Variants in IFNA1 observed in about 807,000 individuals in gnomAD.
The protein encoded by IFNA1 is interferon alpha 1.
For missense variants in IFNA1, 130 were observed against 219.8 expected, an observed-to-expected ratio of 0.59 and a Z score of 2.58; for synonymous variants, 52 against 86.8, an observed-to-expected ratio of 0.60 and a Z score of 2.23.
chr9:21,441,224 A>G lies in IFNA1; in HGVS notation c.*147A>G. 8.3e-7 allele frequency: 1 copy of G among 1,198,234 alleles called. No homozygotes were observed. The highest frequency in any genetic ancestry group is 1.1e-6 in the Non-Finnish European group (1 of 881,296). 74.2% of individuals were successfully genotyped at this position (1,198,234 alleles called of 1,614,324 possible). A position where few individuals can be genotyped will look rare whatever the true frequency, so the allele number is the denominator to read the frequency against. Reference sequence around the variant, plus strand: ...TATCTATTTAAATATTTATTTAACTATTCATAAGATTTAAATTATTTTTGT... The same window carrying G: ...TATCTATTTAAATATTTATTTAACTGTTCATAAGATTTAAATTATTTTTGT... On this transcript the variant is annotated 3_prime_UTR_variant, in exon 1 of 1. Transcript: ENST00000276927.
rs1470775771 is a variant in IFNA1 at position 21,441,248 on chromosome 9, G to A, written c.*171G>A. Reference sequence around the variant, plus strand: ...TATTCATAAGATTTAAATTATTTTTGTTCATATAACGTCATGTGCACCTTT... The same window carrying A: ...TATTCATAAGATTTAAATTATTTTTATTCATATAACGTCATGTGCACCTTT... On this transcript the variant is annotated 3_prime_UTR_variant, in exon 1 of 1. Coordinates refer to ENST00000276927, the MANE Select transcript of IFNA1 (RefSeq NM_024013.3). 3.7e-6 allele frequency: 4 copies of A among 1,081,232 alleles called. No individual in the cohort carries two copies. Among genetic ancestry groups the A allele is most frequent in the African/African-American group, 3.2e-5 (2 of 62,016 alleles). The allele number at this position is 1,081,232 out of a possible 1,614,324, so 67.0% of individuals were successfully genotyped here.
In IFNA1 at chr9:21,441,177, T is replaced by C. The variant is rs1818369564; in HGVS notation, c.*100T>C. 4.7e-6 allele frequency: 7 copies of C among 1,501,524 alleles called. No homozygotes were observed. The East Asian group carries it at 6.8e-5, about 15-fold the overall frequency. The allele number at this position is 1,501,524 out of a possible 1,614,324, so 93.0% of individuals were successfully genotyped here. On this transcript the variant is annotated 3_prime_UTR_variant, in exon 1 of 1. Coordinates refer to ENST00000276927, the MANE Select transcript of IFNA1 (RefSeq NM_024013.3). ...AAGACTCTCACCCCTGCTATAACTA[T>C]GACCATGCTGATAAACTGATTTATC...
chr9:21,440,537 C>T lies in IFNA1; in HGVS notation c.30C>T (p.Val10=). Residue 10 remains valine, a synonymous_variant, in exon 1 of 1, where the codon GTC becomes GTT. Transcript: ENST00000276927. ...CCTCGCCCTTTGCTTTACTGATGGT[C>T]CTGGTGGTGCTCAGCTGCAAGTCAA... MASPFALLM[V]LVVLSCKSSC... 7 of 1,614,060 alleles carry T rather than the reference C, an allele frequency of 4.3e-6. No homozygotes were observed. The highest frequency in any genetic ancestry group is 5.9e-6 in the Non-Finnish European group (7 of 1,179,978).
chr9:21,440,668 T>A lies in IFNA1; in HGVS notation c.161T>A (p.Met54Lys). 5 of 1,605,194 alleles carry A rather than the reference T, an allele frequency of 3.1e-6. No homozygotes were observed. Among genetic ancestry groups the A allele is most frequent in the East Asian group, 2.2e-5 (1 of 44,662 alleles). ...AGAATCTCTCCTTCCTCCTGTCTGA[T>A]GGACAGACATGACTTTGGATTTCCC... ...MSRISPSSCL[M>K]DRHDFGFPQE... The change falls in exon 1 of 1, where the codon ATG becomes AAG. Residue 54 changes from methionine to lysine, a missense_variant. Transcript: ENST00000276927.
chr9:21,441,154 G>T lies in IFNA1; in HGVS notation c.*77G>T. 2 of 1,588,390 alleles carry T rather than the reference G, an allele frequency of 1.3e-6. No homozygotes were observed. Among genetic ancestry groups the T allele is most frequent in the South Asian group, 1.1e-5 (1 of 87,502 alleles). ...CTTTCATGAATTCTGTCATTTCAAAGACTCTCACCCCTGCTATAACTATGA... is the reference window on the plus strand; with the variant it reads ...CTTTCATGAATTCTGTCATTTCAAATACTCTCACCCCTGCTATAACTATGA... On this transcript the variant is annotated 3_prime_UTR_variant, in exon 1 of 1. Transcript: ENST00000276927.
At position 21,440,473 on chromosome 9, in the gene IFNA1, T is replaced by C. The variant is rs1438589762; in HGVS notation, c.-35T>C. The stretch of plus-strand genomic sequence containing the variant: ...AGAGCCCAAGGTTCAGAGTCACCCA[T>C]CTCAGCAAGCCCAGAAGTATCTGCA... On this transcript the variant is annotated 5_prime_UTR_variant, in exon 1 of 1. Coordinates refer to ENST00000276927, the MANE Select transcript of IFNA1 (RefSeq NM_024013.3). The C allele has an allele frequency of 1.2e-6, 2 of 1,612,358 alleles. No homozygotes were observed. The highest frequency in any genetic ancestry group is 1.7e-5 in the Admixed American group (1 of 59,624).
At position 21,440,499 on chromosome 9, in the gene IFNA1, A is replaced by T. The variant is rs755140569; in HGVS notation, c.-9A>T. 3 of 1,614,020 alleles carry T rather than the reference A, an allele frequency of 1.9e-6. No individual in the cohort carries two copies. The highest frequency in any genetic ancestry group is 1.7e-5 in the Admixed American group (1 of 59,992). On this transcript the variant is annotated 5_prime_UTR_variant, in exon 1 of 1. Coordinates refer to ENST00000276927, the MANE Select transcript of IFNA1 (RefSeq NM_024013.3). ...CTCAGCAAGCCCAGAAGTATCTGCA[A>T]TATCTACGATGGCCTCGCCCTTTGC...
rs758846332 is a variant in IFNA1 at position 21,441,303 on chromosome 9, C to T, written c.*226C>T. 237 of 622,968 alleles carry T rather than the reference C, an allele frequency of 3.8e-4. No individual in the cohort carries two copies. The highest frequency in any genetic ancestry group is 5.3e-4 in the Non-Finnish European group (212 of 398,212). The allele number at this position is 622,968 out of a possible 1,614,324, so 38.6% of individuals were successfully genotyped here. ...TGTGGTTAGTGTAATAAAACATGTTCCTTATATTTACTCAATCCATTATTT... is the reference window on the plus strand; with the variant it reads ...TGTGGTTAGTGTAATAAAACATGTTTCTTATATTTACTCAATCCATTATTT... On this transcript the variant is annotated 3_prime_UTR_variant, in exon 1 of 1. Coordinates refer to ENST00000276927, the MANE Select transcript of IFNA1 (RefSeq NM_024013.3).
chr9:21,440,607 A>AACAGGAGG, the IFNA1 span: 1 of 1,612,294 alleles, frequency 6.2e-7, no homozygotes, highest in Non-Finnish European at 8.5e-7. Context: ...CAGCCTGGAT[A>AACAGGAGG]ACAGGAGGAC....
chr9:21,440,760 C>G lies in IFNA1; in HGVS notation c.253C>G (p.Gln85Glu), dbSNP rs902403642. The change falls in exon 1 of 1, where the codon CAG (glutamine) becomes GAG (glutamate). Residue 85 changes from glutamine to glutamate, a missense_variant. By Grantham distance (29) the Gln-to-Glu change is conservative (BLOSUM62 2). Transcript: ENST00000276927. ...PAISVLHELI[Q>E]QIFNLFTTKD... ...CATCTCTGTCCTCCATGAGCTGATC[C>G]AGCAGATCTTCAACCTCTTTACCAC... 5 of 1,459,132 alleles carry G rather than the reference C, an allele frequency of 3.4e-6. No homozygotes were observed. The highest frequency in any genetic ancestry group is 4.7e-6 in the Non-Finnish European group (5 of 1,071,510). 90.4% of individuals were successfully genotyped at this position (1,459,132 alleles called of 1,614,324 possible).
At position 21,441,212 on chromosome 9, in the gene IFNA1, A is replaced by G. The variant is rs1818369896; in HGVS notation, c.*135A>G. On this transcript the variant is annotated 3_prime_UTR_variant, in exon 1 of 1. Transcript: ENST00000276927. ...GATAAACTGATTTATCTATTTAAAT[A>G]TTTATTTAACTATTCATAAGATTTA... 1.5e-6 allele frequency: 2 copies of G among 1,294,180 alleles called. No homozygotes were observed. Among genetic ancestry groups the G allele is most frequent in the Non-Finnish European group, 2.1e-6 (2 of 957,386 alleles). 80.2% of individuals were successfully genotyped at this position (1,294,180 alleles called of 1,614,324 possible). A position where few individuals can be genotyped will look rare whatever the true frequency, so the allele number is the denominator to read the frequency against.
Position 21,440,775 on chromosome 9 carries a change from C to T in IFNA1, c.268C>T (p.Leu90Phe), listed in dbSNP as rs1818362576. 7.0e-7 allele frequency: 1 copy of T among 1,430,714 alleles called. No homozygotes were observed. The highest frequency in any genetic ancestry group is 9.5e-7 in the Non-Finnish European group (1 of 1,052,778). The allele number at this position is 1,430,714 out of a possible 1,614,324, so 88.6% of individuals were successfully genotyped here. ...TGAGCTGATCCAGCAGATCTTCAAC[C>T]TCTTTACCACAAAAGATTCATCTGC... ...LHELIQQIFN[L>F]FTTKDSSAAW... The change falls in exon 1 of 1, where the codon CTC becomes TTC. Residue 90 changes from leucine to phenylalanine, a missense_variant. Physicochemically the swap from Leu to Phe is conservative, Grantham distance 22 (BLOSUM62 0). Coordinates refer to ENST00000276927, the MANE Select transcript of IFNA1 (RefSeq NM_024013.3).
chr9:21,441,142 T>C lies in IFNA1; in HGVS notation c.*65T>C. On this transcript the variant is annotated 3_prime_UTR_variant, in exon 1 of 1. Transcript: ENST00000276927. Reference sequence around the variant, plus strand: ...CACCAGGTCACGCTTTCATGAATTCTGTCATTTCAAAGACTCTCACCCCTG... The same window carrying C: ...CACCAGGTCACGCTTTCATGAATTCCGTCATTTCAAAGACTCTCACCCCTG... The C allele has an allele frequency of 1.3e-6, 2 of 1,599,172 alleles. No individual in the cohort carries two copies. The highest frequency in any genetic ancestry group is 1.8e-5 in the Admixed American group (1 of 56,372).
rs1818369338 is a variant in IFNA1, at chr9:21,441,161, A to C, written c.*84A>C. 2 of 1,571,396 alleles carry C rather than the reference A, an allele frequency of 1.3e-6. No homozygotes were observed. Among genetic ancestry groups the C allele is most frequent in the Non-Finnish European group, 1.7e-6 (2 of 1,157,740 alleles). ...GAATTCTGTCATTTCAAAGACTCTC[A>C]CCCCTGCTATAACTATGACCATGCT... is the stretch of plus-strand genomic sequence containing the variant. On this transcript the variant is annotated 3_prime_UTR_variant, in exon 1 of 1. Coordinates refer to ENST00000276927, the MANE Select transcript of IFNA1 (RefSeq NM_024013.3).
Position 21,440,519 on chromosome 9 carries a change from C to A in IFNA1, c.12C>A (p.Pro4=). Residue 4 remains proline (P), a synonymous_variant, in exon 1 of 1, where the codon CCC becomes CCA. Transcript: ENST00000276927. MAS[P]FALLMVLVVL... is the part of the protein sequence containing the mutation. Reference sequence around the variant, plus strand: ...CTGCAATATCTACGATGGCCTCGCCCTTTGCTTTACTGATGGTCCTGGTGG... The same window carrying A: ...CTGCAATATCTACGATGGCCTCGCCATTTGCTTTACTGATGGTCCTGGTGG... The A allele has an allele frequency of 2.5e-6, 4 of 1,614,080 alleles. No individual in the cohort carries two copies. The highest frequency in any genetic ancestry group is 2.5e-6 in the Non-Finnish European group (3 of 1,179,986).
At position 21,441,129 on chromosome 9, in the gene IFNA1, C is replaced by A. The variant is rs1414238106; in HGVS notation, c.*52C>A. 3 of 1,605,130 alleles carry A rather than the reference C, an allele frequency of 1.9e-6. No individual in the cohort carries two copies. In the Admixed American group the frequency reaches 5.2e-5, roughly 28 times the overall value. Reference sequence around the variant, plus strand: ...TTATTGACTCATACACCAGGTCACGCTTTCATGAATTCTGTCATTTCAAAG... The same window carrying A: ...TTATTGACTCATACACCAGGTCACGATTTCATGAATTCTGTCATTTCAAAG... On this transcript the variant is annotated 3_prime_UTR_variant, in exon 1 of 1. Transcript: ENST00000276927.
rs1818357771 is a variant in IFNA1, at chr9:21,440,457, G to A, written c.-51G>A. The A allele has an allele frequency of 6.2e-7, 1 of 1,605,866 alleles. No individual in the cohort carries two copies. Among genetic ancestry groups the A allele is most frequent in the Non-Finnish European group, 8.5e-7 (1 of 1,176,306 alleles). On this transcript the variant is annotated 5_prime_UTR_variant, in exon 1 of 1. Transcript: ENST00000276927. ...GGCCTTCAGAGAACCTAGAGCCCAA[G>A]GTTCAGAGTCACCCATCTCAGCAAG...
rs182132431 is a variant in IFNA1 at position 21,441,164 on chromosome 9, C to A, written c.*87C>A. The A allele has an allele frequency of 4.5e-6, 7 of 1,556,946 alleles. No individual in the cohort carries two copies. In the African/African-American group the frequency reaches 9.7e-5, roughly 21 times the overall value. On this transcript the variant is annotated 3_prime_UTR_variant, in exon 1 of 1. Coordinates refer to ENST00000276927, the MANE Select transcript of IFNA1 (RefSeq NM_024013.3). ...TTCTGTCATTTCAAAGACTCTCACC[C>A]CTGCTATAACTATGACCATGCTGAT...
In IFNA1 at chr9:21,441,122, G is replaced by C; in HGVS notation, c.*45G>C. ...ACAATTCTTATTGACTCATACACCA[G>C]GTCACGCTTTCATGAATTCTGTCAT... On this transcript the variant is annotated 3_prime_UTR_variant, in exon 1 of 1. Transcript: ENST00000276927. 1.2e-6 allele frequency: 2 copies of C among 1,606,296 alleles called. No homozygotes were observed. The highest frequency in any genetic ancestry group is 1.7e-6 in the Non-Finnish European group (2 of 1,177,156).
Sources: allele counts gnomAD v4.1 joint callset, GRCh38; gene constraint gnomAD v4.1.1; transcripts MANE v1.5; gene names NCBI Gene and HGNC (gene_info 2026-07-23, HGNC 2026-07-21).